Variants in SAMSN1 observed in about 807,000 individuals in gnomAD.
SAMSN1 encodes the protein SAM domain, SH3 domain and nuclear localization signals 1, also known as SAM domain-containing protein SAMSN-1.
In SAMSN1, 31 loss-of-function variants were observed where a neutral mutation model predicts 42.0. The observed-to-expected ratio is 0.74, with a 90% CI of 0.55 to 1.00. The LOEUF (loss-of-function observed/expected upper bound fraction) is 1.00, where lower values mean the gene tolerates loss of function less well. Ranked by LOEUF, SAMSN1 falls within the 50% of genes least tolerant of loss-of-function variation. SAMSN1 has a pLI of 0.00. For missense variants in SAMSN1, 464 were observed against 439.4 expected, an observed-to-expected ratio of 1.06 and a Z score of -0.50; for synonymous variants, 178 against 151.9, an observed-to-expected ratio of 1.17 and a Z score of -1.26.
upstream of SAMSN1, chr21:14,546,443 T>G: frequency 1.0e-6 from 1 of 980,516 alleles, no homozygotes; most frequent in East Asian, 2.9e-5. Context: ...TTTCTTACAG[T>G]AATTCTTTGG....
chr21:14,562,663 C>A (rs1011706672), intron 2 of SAMSN1, among the ~76,000 whole-genome samples: 5 of 151,728 alleles, frequency 3.3e-5, no homozygotes, highest in African/African-American at 1.2e-4. Flanking sequence ...AGTAATATTC[C>A]AGTATCAAGC....
intron 4 of SAMSN1, among the ~76,000 whole-genome samples, chr21:14,609,850 G>A (rs1600961667): frequency 1.3e-5 from 2 of 152,110 alleles, no homozygotes; most frequent in African/African-American, 4.8e-5. Context: ...TGTCTTTACT[G>A]CAATCTCTGA....
rs139213616 is a variant in SAMSN1, at chr21:14,594,440, G to C, written c.400-362C>G. 3.9e-5 allele frequency among the ~76,000 whole-genome samples: 6 copies of C among 152,164 alleles called. No individual in the cohort carries two copies. The South Asian group carries it at 6.2e-4, about 16-fold the overall frequency. Reference sequence around the variant, plus strand: ...TTTAGAAGGGTTGGTGGAAAGGGGGGATCCCGAATGTTTTATGAAGCAGCC... The same window carrying C: ...TTTAGAAGGGTTGGTGGAAAGGGGGCATCCCGAATGTTTTATGAAGCAGCC... On this transcript the variant is annotated intron_variant, in intron 6 of 15. Coordinates refer to the SAMSN1 transcript ENST00000647101.
intron 5 of SAMSN1, among the ~76,000 whole-genome samples, chr21:14,605,480 T>G (rs987584455): frequency 6.6e-6 from 1 of 152,216 alleles, no homozygotes; most frequent in African/African-American, 2.4e-5. Context: ...TTTCTAAAAT[T>G]AAATGTGTGT....
intron 2 of SAMSN1, among the ~76,000 whole-genome samples, chr21:14,578,575 A>G (rs542013844): frequency 6.6e-6 from 1 of 150,556 alleles, no homozygotes; most frequent in East Asian, 2.0e-4. Flanking sequence ...CCCAGCTACT[A>G]GGGAGGCTGA....
At chr21:14,542,064 T>C (rs1471771273) in intron 1 of SAMSN1, among the ~76,000 whole-genome samples, 1 of 151,612 alleles carries the variant, frequency 6.6e-6, no homozygotes, top group Non-Finnish European at 1.5e-5. Context: ...CAATTGTAGG[T>C]GTTGACATGT....
At chr21:14,538,485 C>T (rs1459078218) in intron 1 of SAMSN1, among the ~76,000 whole-genome samples, 5 of 152,106 alleles carry the variant, frequency 3.3e-5, no homozygotes, top group Admixed American at 1.3e-4. Flanking sequence ...GAAGATTAAA[C>T]ATAATAATGG....
chr21:14,543,168 G>A (rs1294267075), intron 1 of SAMSN1, among the ~76,000 whole-genome samples: 2 of 152,090 alleles, frequency 1.3e-5, no homozygotes, highest in African/African-American at 4.8e-5. Context: ...GGTTTCTTTT[G>A]TAATAATTCT....
chr21:14,651,581 T>C (rs1216278934), intron 1 of SAMSN1, among the ~76,000 whole-genome samples: 1 of 152,060 alleles, frequency 6.6e-6, no homozygotes, highest in Non-Finnish European at 1.5e-5. Context: ...GCTAGTATCA[T>C]ACTGACTGGG....
In SAMSN1 at chr21:14,539,414, C is replaced by T. The variant is rs575295498; in HGVS notation, c.57+6791G>A. The stretch of plus-strand genomic sequence containing the variant: ...AAACCCCATTATCTCAGCCCAAAAT[C>T]TCCTTAAGCTGATAGGCAACTTCAG... On this transcript the variant is annotated intron_variant, in intron 1 of 7. Transcript: ENST00000400566. Among the ~76,000 whole-genome samples, 15 of 152,254 alleles carry T rather than the reference C, an allele frequency of 9.9e-5. No homozygotes were observed. In the South Asian group the frequency reaches 3.1e-3, roughly 32 times the overall value.
At chr21:14,539,027 A>G (rs1489971519) in intron 1 of SAMSN1, among the ~76,000 whole-genome samples, 2 of 152,204 alleles carry the variant, frequency 1.3e-5, no homozygotes, top group African/African-American at 2.4e-5. Context: ...ACTAACTTTA[A>G]TTTGTGGGAT....
intron 1 of SAMSN1, among the ~76,000 whole-genome samples, chr21:14,656,169 C>T (rs1568845101): frequency 6.6e-6 from 1 of 151,720 alleles, no homozygotes; most frequent in Non-Finnish European, 1.5e-5. Context: ...TCATTTCAGT[C>T]AAAATCCCAT....
rs1235038302 is a variant in SAMSN1 at position 14,509,127 on chromosome 21, CAAAAGAAAAGAA to C, written c.561+1171_561+1182del. Among the ~76,000 whole-genome samples, 5 of 138,262 alleles carry C rather than the reference CAAAAGAAAAGAA, an allele frequency of 3.6e-5. No homozygotes were observed. The South Asian group carries it at 7.2e-4, about 20-fold the overall frequency. 90.7% of individuals were successfully genotyped at this position (138,262 alleles called of 152,430 possible). On this transcript the variant is annotated intron_variant, in intron 5 of 7. Coordinates refer to ENST00000400566, the MANE Select transcript of SAMSN1 (RefSeq NM_022136.5). Reference sequence around the variant, plus strand: ...AAGACTCCATCAAAAAAGAAAAAAACAAAAGAAAAGAAAAAAGAAAAGAAAAGAAAAGAAAGG... The same window carrying C: ...AAGACTCCATCAAAAAAGAAAAAAACAAAAGAAAAGAAAAGAAAAGAAAGG...
chr21:14,628,756 A>T (rs1409154710), intron 2 of SAMSN1, among the ~76,000 whole-genome samples: 1 of 152,212 alleles, frequency 6.6e-6, no homozygotes, highest in Non-Finnish European at 1.5e-5. Flanking sequence ...TGACAAGGAT[A>T]AAATCCTATC....
At chr21:14,530,004 A>G (rs904602811) in intron 1 of SAMSN1, among the ~76,000 whole-genome samples, 1 of 152,202 alleles carries the variant, frequency 6.6e-6, no homozygotes, top group Non-Finnish European at 1.5e-5. Flanking sequence ...ATTGTTAAAC[A>G]AGAGGCTCTT....
intron 1 of SAMSN1, among the ~76,000 whole-genome samples, chr21:14,651,475 A>T (rs1188593923): frequency 6.6e-6 from 1 of 152,060 alleles, no homozygotes; most frequent in Non-Finnish European, 1.5e-5. Context: ...ATTTTAAAAA[A>T]TTTGACATTC....
chr21:14,548,496 A>G (rs997146325), upstream of SAMSN1, among the ~76,000 whole-genome samples: 1 of 152,186 alleles, frequency 6.6e-6, no homozygotes, highest in South Asian at 2.1e-4. Flanking sequence ...CAAGCAAACA[A>G]AAAATATATA....
intron 5 of SAMSN1, among the ~76,000 whole-genome samples, chr21:14,505,536 A>G (rs1987360033): frequency 6.6e-6 from 1 of 152,254 alleles, no homozygotes; most frequent in South Asian, 2.1e-4. Context: ...GCCTTGTCTA[A>G]CAGGAAAATA....
At chr21:14,543,896 A>T (rs1259205408) in intron 1 of SAMSN1, among the ~76,000 whole-genome samples, 2 of 152,218 alleles carry the variant, frequency 1.3e-5, no homozygotes, top group African/African-American at 4.8e-5. Context: ...CAGTGAAGAC[A>T]GTGATTCCCT....
Sources: gnomAD v4.1 joint callset for allele counts (sites outside exome capture counted in the v4.1 genomes callset) on GRCh38, gnomAD v4.1.1 for gene constraint, MANE v1.5 for transcripts, NCBI Gene and HGNC (gene_info 2026-07-23, HGNC 2026-07-21) for gene names.